LAMA2: variants seen among roughly 807,000 people sequenced by gnomAD.
LAMA2 encodes the protein laminin subunit alpha-2.
In LAMA2, 269 loss-of-function variants were observed where a neutral mutation model predicts 364.8. The ratio of observed to expected loss-of-function variants is 0.74; its 90% CI spans 0.67 to 0.82. The LOEUF is 0.82. Ranked by LOEUF, LAMA2 falls within the 40% of genes least tolerant of loss-of-function variation. The probability of loss-of-function intolerance (pLI) is 0.00; values close to 1 mark genes in which losing one functional copy is unlikely to be tolerated. For synonymous variants in LAMA2, 1,379 were observed against 1,370.6 expected (o/e 1.01, Z -0.14); for missense variants, 3,807 against 3,873.2 (o/e 0.98, Z 0.45).
At chr6:129,479,446 C>CTGTT (rs1784245145) in intron 54 of LAMA2, among the ~76,000 whole-genome samples, 1 of 152,184 alleles carries the variant, frequency 6.6e-6, no homozygotes, top group Non-Finnish European at 1.5e-5. Flanking sequence ...CTATTTTGCA[C>CTGTT]TGTTTCTTCA....
chr6:129,365,380 G>C (rs933073230), intron 32 of LAMA2, among the ~76,000 whole-genome samples: 1 of 151,828 alleles, frequency 6.6e-6, no homozygotes, highest in Non-Finnish European at 1.5e-5. Flanking sequence ...TTATTTTTTG[G>C]GGGGTGGAGT....
At position 129,032,088 on chromosome 6, in the gene LAMA2, G is replaced by A. The variant is rs1691512135; in HGVS notation, c.113-17830G>A. ...CTGCCTCGGCCTCCCAAAGTGCTGG[G>A]ATTACAGGCGTGAGCCACCAGGCCC... On this transcript the variant is annotated intron_variant, in intron 1 of 64. Transcript: ENST00000421865. 3.3e-5 allele frequency among the ~76,000 whole-genome samples: 5 copies of A among 152,324 alleles called. No homozygotes were observed. The South Asian group carries it at 1.0e-3, about 32-fold the overall frequency.
chr6:129,209,251 G>A (rs1562334460), intron 12 of LAMA2, among the ~76,000 whole-genome samples: 2 of 152,200 alleles, frequency 1.3e-5, no homozygotes, highest in Non-Finnish European at 2.9e-5. Flanking sequence ...GGGATGAAAT[G>A]TAAATATGTT....
intron 1 of LAMA2, among the ~76,000 whole-genome samples, chr6:129,014,662 G>GA (rs1342199906): frequency 6.6e-6 from 1 of 152,056 alleles, no homozygotes. Flanking sequence ...ATAATTAAAA[G>GA]AAAAAATATG....
chr6:129,404,115 A>C (rs1458164771), intron 40 of LAMA2, among the ~76,000 whole-genome samples, 156 bp downstream of exon 40: 1 of 152,166 alleles, frequency 6.6e-6, no homozygotes, highest in Non-Finnish European at 1.5e-5. Flanking sequence ...AATTCTCGGT[A>C]TGCTATAATT....
At chr6:129,512,547 T>C in intron 63 of LAMA2, 54 bp downstream of exon 63, 1 of 1,584,272 alleles carries the variant, frequency 6.3e-7, no homozygotes, top group Non-Finnish European at 8.7e-7. Context: ...TGTTGATGTG[T>C]AGATATCATC....
At chr6:129,162,458 CA>C (rs1434063069) in intron 8 of LAMA2, among the ~76,000 whole-genome samples, 3 of 151,870 alleles carry the variant, frequency 2.0e-5, no homozygotes, top group Admixed American at 1.3e-4. Flanking sequence ...TTTCCTTTAA[CA>C]TTTTTTTTTT....
chr6:129,335,351 A>AGTAG (rs200399444), intron 29 of LAMA2, among the ~76,000 whole-genome samples: 3,572 of 138,438 alleles, frequency 0.026, 128 homozygotes, highest in African/African-American at 0.085. Flanking sequence ...ATAGGTAGTA[A>AGTAG]GTAGGTAGAT....
chr6:129,281,716 G>A (rs554503108), intron 18 of LAMA2, among the ~76,000 whole-genome samples: 44 of 152,106 alleles, frequency 2.9e-4, no homozygotes, highest in Non-Finnish European at 4.6e-4. Context: ...CAGAAAGTAT[G>A]ATTTCCTGTC....
intron 1 of LAMA2, among the ~76,000 whole-genome samples, chr6:128,998,407 G>A (rs544321115): frequency 4.3e-5 from 3 of 69,170 alleles, no homozygotes; most frequent in African/African-American, 1.4e-4. Flanking sequence ...CAAGATGGCC[G>A]AATAGGAACA....
intron 1 of LAMA2, among the ~76,000 whole-genome samples, chr6:128,995,625 C>T (rs1222333969): frequency 6.6e-6 from 1 of 152,118 alleles, no homozygotes; most frequent in Admixed American, 6.6e-5. Context: ...CACCTGGCCC[C>T]AGTAGGTGGT....
intron 7 of LAMA2, among the ~76,000 whole-genome samples, chr6:129,149,400 A>T (rs1360316646): frequency 6.6e-6 from 1 of 152,168 alleles, no homozygotes; most frequent in Non-Finnish European, 1.5e-5. Flanking sequence ...CTTGGGCTGA[A>T]CTGCAAACCT....
intron 12 of LAMA2, among the ~76,000 whole-genome samples, chr6:129,210,012 A>AG: frequency 6.6e-6 from 1 of 151,246 alleles, no homozygotes; most frequent in Non-Finnish European, 1.5e-5. Context: ...TCAAAAAAAA[A>AG]AAAAAAAAAA....
chr6:129,384,199 T>C (rs1778848923), intron 35 of LAMA2, among the ~76,000 whole-genome samples: 1 of 152,196 alleles, frequency 6.6e-6, no homozygotes, highest in Admixed American at 6.5e-5. Context: ...CAGAAAAATC[T>C]CAGTTAATTC....
At chr6:128,958,818 T>G (rs1489830802) in intron 1 of LAMA2, among the ~76,000 whole-genome samples, 1 of 152,166 alleles carries the variant, frequency 6.6e-6, no homozygotes, top group Non-Finnish European at 1.5e-5. Flanking sequence ...GAGACATGAC[T>G]GATCTATCTC....
intron 1 of LAMA2, among the ~76,000 whole-genome samples, chr6:129,025,629 G>A (rs1369052774): frequency 1.3e-5 from 2 of 152,026 alleles, no homozygotes; most frequent in South Asian, 2.1e-4. Flanking sequence ...TTTAAATCAA[G>A]GAAACCATTT....
rs1554227092 is a variant in LAMA2 at position 129,149,020 on chromosome 6, C to CCT, written c.951_952insCT (p.Cys318LeufsTer20). On this transcript the variant is annotated frameshift_variant, in exon 7 of 65. Transcript: ENST00000421865. LOFTEE classifies it high-confidence loss of function. The stretch of plus-strand genomic sequence containing the variant: ...GTGAGCATAACACATGTGGCGATAG[C>CCT]TGTGATCAGTGCTGTCCAGGATTCC... 6.2e-7 allele frequency: 1 copy of CCT among 1,613,510 alleles called. No individual in the cohort carries two copies. The highest frequency in any genetic ancestry group is 1.7e-5 in the Admixed American group (1 of 59,976).
chr6:129,309,096 G>A (rs1239437867), intron 22 of LAMA2, among the ~76,000 whole-genome samples: 1 of 152,146 alleles, frequency 6.6e-6, no homozygotes, highest in Non-Finnish European at 1.5e-5. Context: ...TTTAAAACTG[G>A]GATGACTTTA....
intron 17 of LAMA2, among the ~76,000 whole-genome samples, chr6:129,274,241 A>T (rs1346572504): frequency 6.6e-6 from 1 of 151,952 alleles, no homozygotes; most frequent in African/African-American, 2.4e-5. Context: ...ACAACCTGAA[A>T]TGTTTAAAAA....
Sources: allele counts gnomAD v4.1 joint callset (sites outside exome capture counted in the v4.1 genomes callset), GRCh38; gene constraint gnomAD v4.1.1; transcripts MANE v1.5; gene names NCBI Gene and HGNC (gene_info 2026-07-23, HGNC 2026-07-21).